Variants in BRD7 observed in about 807,000 individuals in gnomAD.
The protein encoded by BRD7 is bromodomain containing 7.
Under a neutral mutation model 82.1 loss-of-function variants are expected in BRD7, and 15 were observed. The observed-to-expected ratio is 0.18, with a 90% confidence interval of 0.12 to 0.28. The LOEUF is 0.28. Among genes scored for constraint, BRD7 ranks in the 10% least tolerant of loss-of-function variants. The pLI is 1.00. For missense variants in BRD7, 638 were observed against 779.9 expected, an observed-to-expected ratio of 0.82 and a Z score of 2.17; for synonymous variants, 232 against 266.9, an observed-to-expected ratio of 0.87 and a Z score of 1.27.
chr16:50,358,350 T>TCCCGTCTTTACAAAAAATACAAAAATTAG (rs61455994), intron 2 of BRD7, among the ~76,000 whole-genome samples: 32,478 of 151,044 alleles, frequency 0.22, 3,888 homozygotes, highest in East Asian at 0.3. Context: ...CATAGCGAAA[T>TCCCGTCTTTACAAAAAATACAAAAATTAG]CCAGGAGTTT....
At chr16:50,331,596 G>A (rs541294640) in intron 8 of BRD7, among the ~76,000 whole-genome samples, 1 of 152,312 alleles carries the variant, frequency 6.6e-6, no homozygotes, top group African/African-American at 2.4e-5. Context: ...CAGCCACTTG[G>A]AAGGCTGAGG....
rs2039257406 is a variant in BRD7 at position 50,368,718 on chromosome 16, C to G, written c.49+8G>C. 5 of 1,556,170 alleles carry G rather than the reference C, an allele frequency of 3.2e-6. No homozygotes were observed. In the African/African-American group the frequency reaches 5.7e-5, roughly 18 times the overall value. ...GGCCCGCCGCCCGCACCCCGGCCCC[C>G]TCCTCACCCTCGTAGAGGTGTTTGT... On this transcript the variant is annotated splice_region_variant and intron_variant, in intron 1 of 16. Coordinates refer to ENST00000394688, the MANE Select transcript of BRD7 (RefSeq NM_013263.5).
intron 1 of BRD7, 66 bp downstream of exon 1, chr16:50,368,660 G>A (rs2039251858): frequency 4.6e-6 from 7 of 1,514,226 alleles, no homozygotes; most frequent in Non-Finnish European, 6.2e-6. Context: ...CGGAGCCACT[G>A]GGAAAGAGCG....
At chr16:50,352,641 T>A (rs2038575006) in intron 4 of BRD7, among the ~76,000 whole-genome samples, 1 of 152,170 alleles carries the variant, frequency 6.6e-6, no homozygotes, top group African/African-American at 2.4e-5. Flanking sequence ...CTATACTAAT[T>A]TACATTTCCA....
chr16:50,323,612 G>C lies in BRD7; in HGVS notation c.1418C>G (p.Ser473Cys), dbSNP rs1347997005. The C allele has an allele frequency of 1.1e-5, 18 of 1,613,276 alleles. No homozygotes were observed. The highest frequency in any genetic ancestry group is 1.4e-5 in the Non-Finnish European group (16 of 1,179,434). Reference sequence around the variant, plus strand: ...CATCTCCATCTCTTGTAGGGTCCTGGAATGCCCTCCTTTTGTTAAAACATC... The same window carrying C: ...CATCTCCATCTCTTGTAGGGTCCTGCAATGCCCTCCTTTTGTTAAAACATC... ...LLDVLTKGGH[S>C]RTLQEMEMSL... The change falls in exon 12 of 17, where the codon TCC becomes TGC. Residue 473 changes from serine (S) to cysteine (C), a missense_variant. Around this residue, in one of 3 missense-constraint regions of BRD7, gnomAD observed 402 missense variants for 500.8 expected, o/e 0.80. Transcript: ENST00000394688.
intron 14 of BRD7, 59 bp downstream of exon 14, chr16:50,320,604 T>C: frequency 6.9e-7 from 1 of 1,455,704 alleles, no homozygotes; most frequent in Non-Finnish European, 9.7e-7. Flanking sequence ...TTATGAGACA[T>C]GAAATCTTGA....
chr16:50,346,724 C>T (rs186299581), intron 5 of BRD7, among the ~76,000 whole-genome samples: 196 of 152,258 alleles, frequency 1.3e-3, no homozygotes, highest in African/African-American at 4.5e-3. Flanking sequence ...CAGGAAGAAG[C>T]TGAATCCCTG....
At chr16:50,354,994 AG>A in intron 2 of BRD7, 72 bp from the exon 3 acceptor site, 2 of 1,502,580 alleles carry the variant, frequency 1.3e-6, no homozygotes, top group Non-Finnish European at 1.8e-6. Flanking sequence ...AATCATTTTA[AG>A]GGGTAAAAAG....
rs1567595563 is a variant in BRD7 at position 50,320,408 on chromosome 16, C to CA, written c.1613-18dup. ...TTTCAGCTTCTGTGTGGTAAGAAAA[C>CA]AGACACACTTCTGTTTGATCTTGTG... is the stretch of plus-strand genomic sequence containing the variant. On this transcript the variant is annotated splice_polypyrimidine_tract_variant and intron_variant, in intron 14 of 16. Transcript: ENST00000394688. 1 of 1,610,934 alleles carries CA rather than the reference C, an allele frequency of 6.2e-7. No individual in the cohort carries two copies. The highest frequency in any genetic ancestry group is 1.1e-5 in the South Asian group (1 of 90,632).
chr16:50,332,910 C>A (rs2151154611), intron 8 of BRD7, among the ~76,000 whole-genome samples: 1 of 152,074 alleles, frequency 6.6e-6, no homozygotes, highest in African/African-American at 2.4e-5. Flanking sequence ...CATGTTCTCA[C>A]TTAAAAGTAG....
intron 12 of BRD7, among the ~76,000 whole-genome samples, 159 bp downstream of exon 12, chr16:50,323,428 G>A (rs541837901): frequency 7.9e-5 from 12 of 152,320 alleles, no homozygotes; most frequent in Admixed American, 7.2e-4. Flanking sequence ...ACTCCTTTCC[G>A]TTTATTGTCC....
At chr16:50,330,334 A>G (rs894372369) in intron 8 of BRD7, among the ~76,000 whole-genome samples, 5 of 82,414 alleles carry the variant, frequency 6.1e-5, no homozygotes, top group Admixed American at 5.9e-4. Flanking sequence ...TGAAAAGAGG[A>G]CACTTTTTTT....
At chr16:50,349,007 AAATGTCCAAC>A (rs1394198313) in intron 5 of BRD7, 2 of 152,772 alleles carry the variant, frequency 1.3e-5, no homozygotes, top group African/African-American at 4.8e-5. Context: ...GAACCAACCC[AAATGTCCAAC>A]GATGATAGAC....
Position 50,320,652 on chromosome 16 carries a change from G to A in BRD7, c.1612+11C>T, listed in dbSNP as rs2037059702. On this transcript the variant is annotated intron_variant, in intron 14 of 16. Coordinates refer to ENST00000394688, the MANE Select transcript of BRD7 (RefSeq NM_013263.5). ...TGCAGTGTTTCAATCAAACCCTCTGGAGACACTTACCTTCAGAGTCAAAAA... is the reference window on the plus strand; with the variant it reads ...TGCAGTGTTTCAATCAAACCCTCTGAAGACACTTACCTTCAGAGTCAAAAA... 10 of 1,597,344 alleles carry A rather than the reference G, an allele frequency of 6.3e-6. No homozygotes were observed. Among genetic ancestry groups the A allele is most frequent in the Non-Finnish European group, 8.6e-6 (10 of 1,165,066 alleles).
At chr16:50,325,699 CT>C (rs2037307389) in intron 11 of BRD7, 48 bp downstream of exon 11, 2 of 1,515,858 alleles carry the variant, frequency 1.3e-6, no homozygotes, top group Non-Finnish European at 1.8e-6. Context: ...CATGTATGTA[CT>C]TTAATGTTTT....
chr16:50,323,158 G>A (rs1567598574), intron 12 of BRD7, among the ~76,000 whole-genome samples: 1 of 152,202 alleles, frequency 6.6e-6, no homozygotes, highest in Non-Finnish European at 1.5e-5. Context: ...GCTTACAAAT[G>A]TTAATAAAAT....
intron 8 of BRD7, among the ~76,000 whole-genome samples, chr16:50,331,645 T>C (rs2037570564): frequency 6.6e-6 from 1 of 152,232 alleles, no homozygotes; most frequent in Non-Finnish European, 1.5e-5. Flanking sequence ...GAGGCTGTAG[T>C]GAGCCAAGAT....
At chr16:50,362,217 C>T (rs899225178) in intron 2 of BRD7, among the ~76,000 whole-genome samples, 8 of 152,210 alleles carry the variant, frequency 5.3e-5, no homozygotes, top group African/African-American at 1.9e-4. Context: ...AGCCTCAGAA[C>T]TAGAACCCTG....
intron 5 of BRD7, among the ~76,000 whole-genome samples, chr16:50,340,789 A>G (rs1452542000): frequency 2.0e-5 from 3 of 152,174 alleles, no homozygotes; most frequent in African/African-American, 7.2e-5. Context: ...CAAGTCCGCT[A>G]TGTGCTGGAG....
Sources: allele counts gnomAD v4.1 joint callset (sites outside exome capture counted in the v4.1 genomes callset), GRCh38; gene constraint gnomAD v4.1.1; regional missense constraint gnomAD v4.1.1; transcripts MANE v1.5; gene names NCBI Gene and HGNC (gene_info 2026-07-23, HGNC 2026-07-21).